Variants in ITPR1 observed in about 807,000 individuals in gnomAD.
ITPR1 encodes the protein inositol 1,4,5-trisphosphate receptor type 1, also known as inositol 1,4,5-trisphosphate-gated calcium channel ITPR1.
Under a neutral mutation model 318.4 loss-of-function variants are expected in ITPR1, and 96 were observed. That is an observed-to-expected ratio of 0.30 (90% CI 0.26 to 0.36). ITPR1 has a LOEUF of 0.36. Ranked by LOEUF, ITPR1 falls within the 10% of genes least tolerant of loss-of-function variation. The pLI is 1.00. For synonymous variants in ITPR1, 1,312 were observed against 1,289.9 expected (o/e 1.02, Z -0.37); for missense variants, 2,440 against 3,460.2 (o/e 0.71, Z 7.40).
intron 35 of ITPR1, among the ~76,000 whole-genome samples, chr3:4,701,377 A>G (rs2125263560): frequency 6.6e-6 from 1 of 152,254 alleles, no homozygotes; most frequent in East Asian, 1.9e-4. Context: ...GCTGGGGGTA[A>G]ATGACCGTTC....
chr3:4,838,176 G>A (rs2051070609), intron 61 of ITPR1, among the ~76,000 whole-genome samples: 1 of 152,004 alleles, frequency 6.6e-6, no homozygotes, highest in Non-Finnish European at 1.5e-5. Flanking sequence ...TCTTTCGTCT[G>A]TATTAAGGTG....
chr3:4,731,903 C>A (rs2042952126), intron 42 of ITPR1, among the ~76,000 whole-genome samples: 1 of 152,236 alleles, frequency 6.6e-6, no homozygotes, highest in Non-Finnish European at 1.5e-5. Flanking sequence ...AGTTGCAGGT[C>A]TCTTCAAAAG....
intron 2 of ITPR1, among the ~76,000 whole-genome samples, chr3:4,510,217 G>A (rs1182021821): frequency 6.6e-6 from 1 of 152,150 alleles, no homozygotes; most frequent in Non-Finnish European, 1.5e-5. Flanking sequence ...AGAGCATGGT[G>A]GGGGCCCTGG....
chr3:4,646,069 G>C (rs1267849944), intron 10 of ITPR1: 1 of 250,150 alleles, frequency 4.0e-6, no homozygotes, highest in East Asian at 8.6e-5. Flanking sequence ...CTTTCTCTGA[G>C]CCATCTAATC....
At chr3:4,626,692 G>A (rs984705165) in intron 4 of ITPR1, among the ~76,000 whole-genome samples, 1 of 152,172 alleles carries the variant, frequency 6.6e-6, no homozygotes, top group African/African-American at 2.4e-5. Context: ...CACTGAGAGT[G>A]AGGGGACAAG....
At chr3:4,775,671 G>T (rs562740125) in intron 47 of ITPR1, among the ~76,000 whole-genome samples, 1 of 152,190 alleles carries the variant, frequency 6.6e-6, no homozygotes, top group Non-Finnish European at 1.5e-5. Flanking sequence ...CCTTGGCTAG[G>T]TTTGGCTTCA....
chr3:4,619,562 C>T (rs1449491772), intron 4 of ITPR1, among the ~76,000 whole-genome samples: 1 of 128,010 alleles, frequency 7.8e-6, no homozygotes, highest in Non-Finnish European at 1.6e-5. Context: ...TCCCCCTTCC[C>T]CTGCCCTTTC....
intron 60 of ITPR1, among the ~76,000 whole-genome samples, chr3:4,827,581 T>C (rs2050160459): frequency 6.6e-6 from 1 of 152,222 alleles, no homozygotes; most frequent in Admixed American, 6.5e-5. Context: ...AGTTTCCACC[T>C]TTTACAAATC....
Position 4,768,680 on chromosome 3 carries a change from G to A in ITPR1, c.5895G>A (p.Leu1965=). Residue 1965 remains leucine, a synonymous_variant, in exon 46 of 62, where the codon CTG becomes CTA. Transcript: ENST00000649015. ...QATADKAKDD[L]EMSAVITIMQ... Reference sequence around the variant, plus strand: ...CTGCCGACAAGGCCAAGGACGACCTGGAGATGAGCGCGGTCATCACCATCA... The same window carrying A: ...CTGCCGACAAGGCCAAGGACGACCTAGAGATGAGCGCGGTCATCACCATCA... 6.2e-7 allele frequency: 1 copy of A among 1,613,938 alleles called. No homozygotes were observed. The highest frequency in any genetic ancestry group is 1.1e-5 in the South Asian group (1 of 91,076).
Position 4,683,142 on chromosome 3 carries a change from C to G in ITPR1, c.3162-244C>G, listed in dbSNP as rs2094331664. Among the ~76,000 whole-genome samples the G allele has an allele frequency of 2.6e-5, 4 of 152,368 alleles. No homozygotes were observed. In the South Asian group the frequency reaches 8.3e-4, roughly 32 times the overall value. On this transcript the variant is annotated intron_variant, in intron 26 of 61. Transcript: ENST00000649015. ...TAGATGTTGAGAATCTAATGCTAGT[C>G]TTGTCACTTTGGCTTAAAATTTGAC...
chr3:4,658,262 G>A lies in ITPR1; in HGVS notation c.1135G>A (p.Asp379Asn). ...ELDPTTLRGG[D>N]SLVPRNSYVR... ...AGATCCCACCACTCTGCGTGGAGGT[G>A]ACAGCCTTGTCCCAAGGTATCATTT... The change falls in exon 13 of 62, where the codon GAC (aspartate) becomes AAC (asparagine). Residue 379 changes from aspartate (D) to asparagine (N), a missense_variant. Asp to Asn is a conservative substitution (Grantham distance 23, BLOSUM62 1). This residue lies in a region of ITPR1 where 101 missense variants were observed against 119.6 expected (regional missense o/e 0.84). Transcript: ENST00000649015. 1 of 1,611,904 alleles carries A rather than the reference G, an allele frequency of 6.2e-7. No individual in the cohort carries two copies. The highest frequency in any genetic ancestry group is 1.1e-5 in the South Asian group (1 of 90,788).
At chr3:4,819,409 T>G (rs989318365) in intron 60 of ITPR1, among the ~76,000 whole-genome samples, 1 of 152,218 alleles carries the variant, frequency 6.6e-6, no homozygotes, top group Non-Finnish European at 1.5e-5. Flanking sequence ...ATTCACATTT[T>G]GACTCAGCAG....
At chr3:4,786,554 C>T (rs1386088662) in intron 51 of ITPR1, among the ~76,000 whole-genome samples, 2 of 152,216 alleles carry the variant, frequency 1.3e-5, no homozygotes, top group East Asian at 1.9e-4. Context: ...CTGGGCCTCA[C>T]CTGACTTCTC....
chr3:4,779,687 T>C lies in ITPR1; in HGVS notation c.6387+42T>C. On this transcript the variant is annotated intron_variant, in intron 49 of 61. Coordinates refer to ENST00000649015, the MANE Select transcript of ITPR1 (RefSeq NM_001378452.1). This position sits in a 1 kb window ranked among gnomAD's most constrained non-coding sequence, Gnocchi z 4.0. ...ATCTGATGGTAGCACCAAGGAGCAT[T>C]GCGACGATATTTGGGACAGAGCAGA... 1 of 1,377,738 alleles carries C rather than the reference T, an allele frequency of 7.3e-7. No homozygotes were observed. The highest frequency in any genetic ancestry group is 2.3e-5 in the East Asian group (1 of 43,086). 85.3% of individuals were successfully genotyped at this position (1,377,738 alleles called of 1,614,324 possible). A position where few individuals can be genotyped will look rare whatever the true frequency, so the allele number is the denominator to read the frequency against.
intron 43 of ITPR1, 149 bp from the exon 44 acceptor site, chr3:4,735,015 A>C (rs1045613973): frequency 3.2e-6 from 2 of 631,832 alleles, no homozygotes; most frequent in African/African-American, 3.7e-5. Context: ...TGTGTTAATA[A>C]TCAGTATTTT....
At chr3:4,627,953 G>A (rs572262537) in intron 5 of ITPR1, 75 bp downstream of exon 5, 79 of 870,356 alleles carry the variant, frequency 9.1e-5, no homozygotes, top group Middle Eastern at 2.7e-4. Flanking sequence ...GTAATGGTGG[G>A]AGACTGCTTA....
chr3:4,580,007 G>A (rs1200460578), intron 4 of ITPR1, among the ~76,000 whole-genome samples: 3 of 152,092 alleles, frequency 2.0e-5, no homozygotes, highest in African/African-American at 7.2e-5. Context: ...TCAGGAGATC[G>A]AGACCATCCT....
At chr3:4,494,184 T>TC (rs1241320858) in intron 1 of ITPR1, among the ~76,000 whole-genome samples, 1 of 152,238 alleles carries the variant, frequency 6.6e-6, no homozygotes, top group African/African-American at 2.4e-5. Flanking sequence ...AGTTCCAGCC[T>TC]CCCGCACGTT....
chr3:4,621,474 C>T (rs1474377200), intron 4 of ITPR1, among the ~76,000 whole-genome samples: 1 of 152,200 alleles, frequency 6.6e-6, no homozygotes, highest in African/African-American at 2.4e-5. Flanking sequence ...TCCAGGCCCA[C>T]CTCCAAACTG....
Sources: gnomAD v4.1 joint callset for allele counts (sites outside exome capture counted in the v4.1 genomes callset) on GRCh38, gnomAD v4.1.1 for gene constraint, gnomAD v4.1.1 regional missense constraint, Gnocchi (gnomAD v3.1) non-coding constraint, MANE v1.5 for transcripts, NCBI Gene and HGNC (gene_info 2026-07-23, HGNC 2026-07-21) for gene names.